Variants in ZC3H12B observed in about 807,000 individuals in gnomAD.
ZC3H12B encodes the protein probable ribonuclease ZC3H12B.
Under a neutral mutation model 43.9 loss-of-function variants are expected in ZC3H12B, and 7 were observed. The ratio of observed to expected loss-of-function variants is 0.16; its 90% CI spans 0.09 to 0.30. The LOEUF (loss-of-function observed/expected upper bound fraction) is 0.30. Among genes scored for constraint, ZC3H12B ranks in the 10% least tolerant of loss-of-function variants. The pLI is 1.00. For missense variants in ZC3H12B, 475 were observed against 670.2 expected, an observed-to-expected ratio of 0.71 and a Z score of 3.22; for synonymous variants, 222 against 241.7, an observed-to-expected ratio of 0.92 and a Z score of 0.76.
the ZC3H12B span, among the ~76,000 whole-genome samples, chrX:65,188,995 G>A: frequency 9.4e-5 from 8 of 84,876 alleles, no homozygotes; most frequent in African/African-American, 2.8e-4. Context: ...CCCTTCCTGT[G>A]TCCATGTGAT....
chrX:65,265,006 G>A, the ZC3H12B span, among the ~76,000 whole-genome samples: 3 of 111,839 alleles, frequency 2.7e-5, no homozygotes, highest in Admixed American at 1.9e-4. Context: ...GTGGTAGAGC[G>A]AAGACTAGAA....
At chrX:65,349,938 G>A in the ZC3H12B span, among the ~76,000 whole-genome samples, 1 of 112,066 alleles carries the variant, frequency 8.9e-6, no homozygotes, top group Non-Finnish European at 1.9e-5. Flanking sequence ...ACAAAGAGGA[G>A]CTGGTACCAT....
chrX:65,475,028 C>T (rs968186674), intron 3 of ZC3H12B, among the ~76,000 whole-genome samples: 14 of 112,022 alleles, frequency 1.2e-4, no homozygotes, highest in African/African-American at 4.2e-4. Flanking sequence ...AAAATATATT[C>T]TAGTTTTATT....
intron 3 of ZC3H12B, among the ~76,000 whole-genome samples, chrX:65,401,549 A>G (rs1019009431): frequency 1.3e-4 from 15 of 111,858 alleles, no homozygotes; most frequent in African/African-American, 4.9e-4. Flanking sequence ...GGCTAAACTG[A>G]GCCCAGAGAC....
the ZC3H12B span, among the ~76,000 whole-genome samples, chrX:65,181,752 A>G: frequency 8.9e-6 from 1 of 112,084 alleles, no homozygotes; most frequent in East Asian, 2.8e-4. Flanking sequence ...TTAGGAAACA[A>G]CAGATGCTGG....
chrX:65,359,720 G>A, the ZC3H12B span, among the ~76,000 whole-genome samples: 2 of 112,322 alleles, frequency 1.8e-5, no homozygotes, highest in Admixed American at 9.5e-5. Flanking sequence ...TCTACTCCTG[G>A]TGGAGATGCT....
chrX:65,254,366 T>C, the ZC3H12B span, among the ~76,000 whole-genome samples: 3 of 112,424 alleles, frequency 2.7e-5, no homozygotes, highest in East Asian at 8.4e-4. Context: ...AGGTTTCTAA[T>C]CTTAAGGAGC....
chrX:65,210,955 G>C, the ZC3H12B span, among the ~76,000 whole-genome samples: 2 of 57,523 alleles, frequency 3.5e-5, no homozygotes, highest in Non-Finnish European at 6.1e-5. Context: ...AGCATTGGGA[G>C]ATATACCTAA....
chrX:65,351,624 AAAAC>A, the ZC3H12B span, among the ~76,000 whole-genome samples: 67 of 112,670 alleles, frequency 5.9e-4, no homozygotes, highest in Non-Finnish European at 6.0e-4. Context: ...TTTACAAGAA[AAAAC>A]AAACAACCCC....
At chrX:65,094,401 T>C in the ZC3H12B span, among the ~76,000 whole-genome samples, 2 of 111,057 alleles carry the variant, frequency 1.8e-5, no homozygotes, top group African/African-American at 6.6e-5. Flanking sequence ...GAAGCAGTGG[T>C]TAACTCCAAG....
chrX:65,332,248 A>G, the ZC3H12B span, among the ~76,000 whole-genome samples: 1 of 110,702 alleles, frequency 9.0e-6, no homozygotes, highest in East Asian at 2.8e-4. Flanking sequence ...GGGCAATAAT[A>G]TTCCTCCCTA....
the ZC3H12B span, among the ~76,000 whole-genome samples, chrX:65,223,173 G>A: frequency 9.0e-6 from 1 of 111,554 alleles, no homozygotes; most frequent in African/African-American, 3.3e-5. Flanking sequence ...TGGGTAATTG[G>A]CAAGCCACAG....
At chrX:65,374,130 T>C (rs1450090648) in intron 2 of ZC3H12B, among the ~76,000 whole-genome samples, 3 of 69,102 alleles carry the variant, frequency 4.3e-5, no homozygotes, top group Non-Finnish European at 6.9e-5. Flanking sequence ...CTATATATAG[T>C]GTATATATAA....
the ZC3H12B span, among the ~76,000 whole-genome samples, chrX:65,113,110 G>T: frequency 3.6e-5 from 4 of 111,207 alleles, no homozygotes; most frequent in African/African-American, 1.3e-4. Flanking sequence ...GGCTTCCGTG[G>T]AGGAAGCCAC....
At chrX:65,054,933 A>G in the ZC3H12B span, among the ~76,000 whole-genome samples, 1 of 111,598 alleles carries the variant, frequency 9.0e-6, no homozygotes, top group Non-Finnish European at 1.9e-5. Flanking sequence ...TTGCACATTG[A>G]TTTTGTATCC....
At chrX:65,212,419 G>A in the ZC3H12B span, among the ~76,000 whole-genome samples, 1 of 53,835 alleles carries the variant, frequency 1.9e-5, no homozygotes, top group Non-Finnish European at 2.9e-5. Flanking sequence ...TATTATATAT[G>A]TAATATAATT....
At chrX:65,086,708 C>T in the ZC3H12B span, among the ~76,000 whole-genome samples, 1 of 112,369 alleles carries the variant, frequency 8.9e-6, no homozygotes, top group South Asian at 3.7e-4. Context: ...TCATCAGGCA[C>T]TGAATTTGTG....
the ZC3H12B span, among the ~76,000 whole-genome samples, chrX:65,183,422 G>T: frequency 9.0e-6 from 1 of 111,056 alleles, no homozygotes; most frequent in Non-Finnish European, 1.9e-5. Flanking sequence ...AGGTTGGAGG[G>T]TGGGAGGGGG....
At chrX:65,284,251 CAAA>C in the ZC3H12B span, among the ~76,000 whole-genome samples, 3 of 67,935 alleles carry the variant, frequency 4.4e-5, no homozygotes, top group South Asian at 7.3e-4. Context: ...CACACACACA[CAAA>C]AAAAAAAAAA....
Sources: allele counts gnomAD v4.1 joint callset (sites outside exome capture counted in the v4.1 genomes callset), GRCh38; gene constraint gnomAD v4.1.1; transcripts MANE v1.5; gene names NCBI Gene and HGNC (gene_info 2026-07-23, HGNC 2026-07-21).